TMEM178A: variants seen among roughly 807,000 people sequenced by gnomAD.
TMEM178A encodes the protein transmembrane protein 178.
A neutral mutation model predicts 29.1 loss-of-function variants in TMEM178A; 12 were observed. The ratio of observed to expected loss-of-function variants is 0.41; its 90% CI spans 0.26 to 0.67. The LOEUF is 0.67. TMEM178A is among the 30% of genes least tolerant of loss of function. The pLI, the probability that TMEM178A is intolerant of heterozygous loss-of-function variation, is 0.29. For synonymous variants in TMEM178A, 210 were observed against 187.2 expected, an observed-to-expected ratio of 1.12 and a Z score of -0.99; for missense variants, 366 against 419.1, an observed-to-expected ratio of 0.87 and a Z score of 1.11.
intron 1 of TMEM178A, among the ~76,000 whole-genome samples, chr2:39,674,672 TA>T (rs1004768958): frequency 3.3e-5 from 5 of 151,508 alleles, no homozygotes; most frequent in East Asian, 1.9e-4. Context: ...AAAAACAAAA[TA>T]AAAAAAATTA....
At chr2:39,676,431 T>C (rs187925597) in intron 1 of TMEM178A, among the ~76,000 whole-genome samples, 1 of 152,296 alleles carries the variant, frequency 6.6e-6, no homozygotes, top group African/African-American at 2.4e-5. Flanking sequence ...GTGAGTGAGC[T>C]AGGAAACGGA....
chr2:39,720,730 G>C (rs1241717736), downstream of TMEM178A, among the ~76,000 whole-genome samples: 1 of 152,176 alleles, frequency 6.6e-6, no homozygotes, highest in Non-Finnish European at 1.5e-5. Flanking sequence ...CATGGATTCA[G>C]AGTCATAGAT....
chr2:39,693,126 C>T (rs1465796097), intron 1 of TMEM178A, among the ~76,000 whole-genome samples: 4 of 152,070 alleles, frequency 2.6e-5, no homozygotes, highest in African/African-American at 9.6e-5. Flanking sequence ...AAAACAAAAA[C>T]GAAAACAAAA....
At chr2:39,708,642 C>A (rs1442101505) in intron 3 of TMEM178A, among the ~76,000 whole-genome samples, 1 of 151,626 alleles carries the variant, frequency 6.6e-6, no homozygotes, top group Non-Finnish European at 1.5e-5. Flanking sequence ...TGGTCTCGAT[C>A]TCCTGACCTC....
At position 39,687,980 on chromosome 2, in the gene TMEM178A, T is replaced by G. The variant is rs114420226; in HGVS notation, c.401-16101T>G. ...TTATTTAACTTCTCTCAGCCTCAAT[T>G]TCCTTCTCTGTAAAACAGAGGTAAC... On this transcript the variant is annotated intron_variant, in intron 1 of 3. Coordinates refer to ENST00000281961, the MANE Select transcript of TMEM178A (RefSeq NM_152390.3). 2.5e-3 allele frequency among the ~76,000 whole-genome samples: 383 copies of G among 152,314 alleles called. 1 individual carries two copies. The highest frequency in any genetic ancestry group is 8.7e-3 in the African/African-American group (360 of 41,564).
intron 1 of TMEM178A, among the ~76,000 whole-genome samples, chr2:39,697,545 G>A (rs757986736): frequency 6.6e-6 from 1 of 152,138 alleles, no homozygotes; most frequent in African/African-American, 2.4e-5. Context: ...CTCTGGGCTT[G>A]CTACCAGACC....
chr2:39,675,000 C>G (rs567131448), intron 1 of TMEM178A, among the ~76,000 whole-genome samples: 1 of 152,200 alleles, frequency 6.6e-6, no homozygotes, highest in Admixed American at 6.5e-5. Context: ...GGGCTACAGA[C>G]TCCTGTCAAT....
At chr2:39,718,541 G>A (rs76230826), downstream of TMEM178A, among the ~76,000 whole-genome samples, 46 of 152,294 alleles carry the variant, frequency 3.0e-4, no homozygotes, top group East Asian at 8.5e-3. Context: ...CTAACAAAGC[G>A]AACTCACTTA....
At chr2:39,709,873 A>G (rs1377993404) in intron 3 of TMEM178A, among the ~76,000 whole-genome samples, 1 of 152,244 alleles carries the variant, frequency 6.6e-6, no homozygotes, top group Non-Finnish European at 1.5e-5. Context: ...ATAGTTTAGT[A>G]TGCTCTTAGC....
intron 3 of TMEM178A, among the ~76,000 whole-genome samples, chr2:39,712,851 C>A (rs756146334): frequency 2.6e-5 from 4 of 152,196 alleles, no homozygotes; most frequent in Non-Finnish European, 4.4e-5. Context: ...CCTTATTAAT[C>A]CTTCCATACT....
intron 3 of TMEM178A, among the ~76,000 whole-genome samples, chr2:39,708,155 C>T (rs1468253047): frequency 1.3e-5 from 2 of 152,096 alleles, no homozygotes; most frequent in South Asian, 2.1e-4. Context: ...GCTGAGGTGG[C>T]GATTTCGCAG....
the TMEM178A span, among the ~76,000 whole-genome samples, chr2:39,729,252 G>T: frequency 6.6e-6 from 1 of 152,200 alleles, no homozygotes; most frequent in East Asian, 1.9e-4. Context: ...ATTGAACGCT[G>T]AATGCTGTCC....
At position 39,666,299 on chromosome 2, in the gene TMEM178A, G is replaced by T. The variant is rs747840220; in HGVS notation, c.325G>T (p.Ala109Ser). ...LDAECGRPLF[A>S]TYSGLWRKCY... ...CGCCGAGTGCGGCCGGCCCCTCTTC[G>T]CCACCTACTCGGGCCTCTGGAGGAA... is the stretch of plus-strand genomic sequence containing the variant. The change falls in exon 1 of 4, where the codon GCC becomes TCC. Residue 109 changes from alanine (A) to serine (S), a missense_variant. This residue lies in a region of TMEM178A where 247 missense variants were observed against 246.8 expected (regional missense o/e 1.00). Transcript: ENST00000281961. 1 of 1,430,782 alleles carries T rather than the reference G, an allele frequency of 7.0e-7. No individual in the cohort carries two copies. The highest frequency in any genetic ancestry group is 1.5e-5 in the African/African-American group (1 of 67,734). The allele number at this position is 1,430,782 out of a possible 1,614,324, so 88.6% of individuals were successfully genotyped here.
chr2:39,693,851 G>A (rs935199904), intron 1 of TMEM178A, among the ~76,000 whole-genome samples: 1 of 151,860 alleles, frequency 6.6e-6, no homozygotes, highest in Non-Finnish European at 1.5e-5. Flanking sequence ...CATTAAAGGA[G>A]ATTTAAAAAT....
At chr2:39,670,745 A>G (rs1001757395) in intron 1 of TMEM178A, among the ~76,000 whole-genome samples, 4 of 152,254 alleles carry the variant, frequency 2.6e-5, no homozygotes, top group Admixed American at 1.3e-4. Flanking sequence ...TTGCAAATAC[A>G]TTATGTAGAA....
At chr2:39,713,919 C>A (rs530104793) in intron 3 of TMEM178A, among the ~76,000 whole-genome samples, 1 of 152,088 alleles carries the variant, frequency 6.6e-6, no homozygotes, top group Non-Finnish European at 1.5e-5. Flanking sequence ...TTTAAAATAT[C>A]TTGAATGGGT....
intron 1 of TMEM178A, among the ~76,000 whole-genome samples, chr2:39,693,451 G>A (rs1334004160): frequency 2.6e-5 from 4 of 152,242 alleles, no homozygotes; most frequent in Non-Finnish European, 1.5e-5. Context: ...ATTGATGGCT[G>A]TATTCAGTTT....
chr2:39,674,764 A>G (rs1263426987), intron 1 of TMEM178A, among the ~76,000 whole-genome samples: 2 of 152,246 alleles, frequency 1.3e-5, no homozygotes, highest in Admixed American at 1.3e-4. Flanking sequence ...GCAGTACAAG[A>G]AAAAATCCAG....
the TMEM178A span, among the ~76,000 whole-genome samples, chr2:39,725,625 G>A: frequency 6.6e-6 from 1 of 152,198 alleles, no homozygotes; most frequent in African/African-American, 2.4e-5. Flanking sequence ...GGATGTCAGT[G>A]GGTGTGGAGG....
Sources: gnomAD v4.1 joint callset for allele counts (sites outside exome capture counted in the v4.1 genomes callset) on GRCh38, gnomAD v4.1.1 for gene constraint, gnomAD v4.1.1 regional missense constraint, MANE v1.5 for transcripts, NCBI Gene and HGNC (gene_info 2026-07-23, HGNC 2026-07-21) for gene names.